The following UGT1A8 variants were observed in gnomAD, a reference collection of about 807,000 sequenced individuals.
The protein encoded by UGT1A8 is UDP-glucuronosyltransferase 1A8.
UGT1A8 carries 39 observed loss-of-function variants against 45.3 expected under a neutral mutation model. The observed-to-expected ratio is 0.86, with a 90% CI of 0.67 to 1.12. The LOEUF is 1.12. UGT1A8 is among the 50% of genes most tolerant of loss of function. The pLI, the probability that UGT1A8 is intolerant of heterozygous loss-of-function variation, is 0.00. For synonymous variants in UGT1A8, 275 were observed against 249.2 expected (o/e 1.10, Z -0.97); for missense variants, 719 against 664.9 (o/e 1.08, Z -0.90).
At chr2:233,636,554 C>A in intron 1 of UGT1A8, 1 of 1,614,156 alleles carries the variant, frequency 6.2e-7, no homozygotes, top group Non-Finnish European at 8.5e-7. Context: ...AGCCCCGTTC[C>A]TTTATGTGTG....
Position 233,768,349 on chromosome 2 carries a change from A to T in UGT1A8, c.1205A>T (p.Glu402Val), listed in dbSNP as rs1699604029. The change falls in exon 4 of 5, where the codon GAG becomes GTG. Residue 402 changes from glutamate to valine, a missense_variant. By Grantham distance (121) the Glu-to-Val change is moderately radical. Coordinates refer to ENST00000373450, the MANE Select transcript of UGT1A8 (RefSeq NM_019076.5). The stretch of plus-strand genomic sequence containing the variant: ...CAGATGGACAATGCAAAGCGCATGG[A>T]GACTAAGGGAGCTGGAGTGACCCTG... Reference protein sequence around the residue: ...GDQMDNAKRMETKGAGVTLNV... With the variant: ...GDQMDNAKRMVTKGAGVTLNV... The T allele has an allele frequency of 1.2e-6, 2 of 1,614,182 alleles. No homozygotes were observed. Among genetic ancestry groups the T allele is most frequent in the Non-Finnish European group, 8.5e-7 (1 of 1,180,036 alleles).
At chr2:233,665,091 C>G (rs1157273547) in intron 1 of UGT1A8, among the ~76,000 whole-genome samples, 1 of 152,190 alleles carries the variant, frequency 6.6e-6, no homozygotes, top group Non-Finnish European at 1.5e-5. Context: ...TGCATATTCT[C>G]ACACCTATTT....
chr2:233,630,583 A>G (rs2073169246), intron 1 of UGT1A8, among the ~76,000 whole-genome samples: 1 of 152,124 alleles, frequency 6.6e-6, no homozygotes, highest in African/African-American at 2.4e-5. Flanking sequence ...GGCAGACTTT[A>G]TATGAAACAT....
chr2:233,658,134 T>C (rs554459516), intron 1 of UGT1A8, among the ~76,000 whole-genome samples: 14 of 151,794 alleles, frequency 9.2e-5, no homozygotes, highest in Non-Finnish European at 2.9e-5. Flanking sequence ...TTCTTGTGCC[T>C]CAGCCTCCTG....
At chr2:233,662,715 G>A (rs2074000633) in intron 1 of UGT1A8, among the ~76,000 whole-genome samples, 1 of 152,052 alleles carries the variant, frequency 6.6e-6, no homozygotes, top group Admixed American at 6.6e-5. Context: ...GAGGAGTGGA[G>A]CATTCAGTCT....
At chr2:233,636,627 G>A (rs746844987) in intron 1 of UGT1A8, 1 of 1,614,166 alleles carries the variant, frequency 6.2e-7, no homozygotes, top group Non-Finnish European at 8.5e-7. Flanking sequence ...CCATGGATGG[G>A]AGTCACTGGT....
At chr2:233,731,107 A>G (rs1222432137) in intron 1 of UGT1A8, among the ~76,000 whole-genome samples, 2 of 151,962 alleles carry the variant, frequency 1.3e-5, no homozygotes, top group Admixed American at 6.6e-5. Flanking sequence ...CTTTTTTATA[A>G]ATGTAGGTAT....
intron 1 of UGT1A8, among the ~76,000 whole-genome samples, chr2:233,715,395 T>C (rs1475144690): frequency 6.6e-6 from 1 of 152,246 alleles, no homozygotes. Context: ...TATCATTAAA[T>C]AATAATCCTT....
intron 1 of UGT1A8, among the ~76,000 whole-genome samples, chr2:233,724,297 C>T (rs2077212322): frequency 1.4e-5 from 2 of 146,124 alleles, no homozygotes; most frequent in South Asian, 2.4e-4. Context: ...GCTGACCCCC[C>T]CACCTCCCTC....
chr2:233,767,781 T>C (rs1559414457), intron 2 of UGT1A8, 68 bp from the exon 3 acceptor site: 3 of 1,613,388 alleles, frequency 1.9e-6, no homozygotes, highest in East Asian at 2.2e-5. Context: ...TTCTAGTTAG[T>C]ATAGCAGATT....
intron 1 of UGT1A8, among the ~76,000 whole-genome samples, chr2:233,727,472 C>T (rs1025234112): frequency 7.2e-5 from 11 of 152,134 alleles, no homozygotes; most frequent in African/African-American, 2.4e-4. Flanking sequence ...CTAAATAAAA[C>T]ACTACTACTT....
At chr2:233,721,918 T>C in intron 1 of UGT1A8, 1 of 410,238 alleles carries the variant, frequency 2.4e-6, no homozygotes, top group Non-Finnish European at 4.9e-6. Flanking sequence ...ACTGCTTCCA[T>C]AAAGTGACAT....
At chr2:233,753,529 A>G (rs538276746) in intron 1 of UGT1A8, 1 of 152,278 alleles carries the variant, frequency 6.6e-6, no homozygotes, top group East Asian at 1.9e-4. Flanking sequence ...TTTTGCTCTC[A>G]TGCAAACTTT....
intron 1 of UGT1A8, among the ~76,000 whole-genome samples, chr2:233,638,976 C>T (rs2073377365): frequency 6.6e-6 from 1 of 152,182 alleles, no homozygotes; most frequent in Non-Finnish European, 1.5e-5. Flanking sequence ...AATTACAGTA[C>T]CAAGCACCAC....
At chr2:233,747,468 C>A in intron 1 of UGT1A8, 1 of 1,608,682 alleles carries the variant, frequency 6.2e-7, no homozygotes, top group Non-Finnish European at 8.5e-7. Flanking sequence ...TTCATGGACC[C>A]AGGATGAATT....
intron 1 of UGT1A8, among the ~76,000 whole-genome samples, chr2:233,653,673 T>G (rs2073790170): frequency 1.3e-5 from 2 of 152,210 alleles, no homozygotes; most frequent in Admixed American, 1.3e-4. Flanking sequence ...CTCAGCTTAC[T>G]GCAACATCTG....
intron 1 of UGT1A8, among the ~76,000 whole-genome samples, chr2:233,740,070 C>T (rs1691295893): frequency 6.6e-6 from 1 of 151,860 alleles, no homozygotes; most frequent in South Asian, 2.1e-4. Context: ...AGCTTTTCCT[C>T]TCTGTCTCTC....
intron 1 of UGT1A8, among the ~76,000 whole-genome samples, chr2:233,763,257 T>A (rs187516962): frequency 6.6e-6 from 1 of 152,268 alleles, no homozygotes. Context: ...TAACCTGTTT[T>A]GTCTTGTTGC....
At position 233,679,919 on chromosome 2, in the gene UGT1A8, A is replaced by C. The variant is rs572164677; in HGVS notation, c.855+61357A>C. Among the ~76,000 whole-genome samples, 18 of 152,320 alleles carry C rather than the reference A, an allele frequency of 1.2e-4. No individual in the cohort carries two copies. In the South Asian group the frequency reaches 3.7e-3, roughly 32 times the overall value. ...TAAAGTTGCATTTTCAATATGAGAC[A>C]AAAATGTATTTCACAAAAAGATGCG... On this transcript the variant is annotated intron_variant, in intron 1 of 4. Coordinates refer to ENST00000373450, the MANE Select transcript of UGT1A8 (RefSeq NM_019076.5).
Sources: gnomAD v4.1 joint callset for allele counts (sites outside exome capture counted in the v4.1 genomes callset) on GRCh38, gnomAD v4.1.1 for gene constraint, MANE v1.5 for transcripts, NCBI Gene and HGNC (gene_info 2026-07-23, HGNC 2026-07-21) for gene names.